FSTL5: variants seen among roughly 807,000 people sequenced by gnomAD.
The protein encoded by FSTL5 is follistatin like 5, also known as follistatin-related protein 5.
A neutral mutation model predicts 89.1 loss-of-function variants in FSTL5; 62 were observed. The observed-to-expected ratio is 0.70, with a 90% confidence interval of 0.57 to 0.86. The LOEUF (loss-of-function observed/expected upper bound fraction) is 0.86. Among genes scored for constraint, FSTL5 ranks in the 40% least tolerant of loss-of-function variants. FSTL5 has a pLI of 0.00. For missense variants in FSTL5, 1,057 were observed against 1,001.6 expected (o/e 1.06, Z -0.75); for synonymous variants, 383 against 346.2 (o/e 1.11, Z -1.18).
intron 3 of FSTL5, among the ~76,000 whole-genome samples, chr4:162,010,787 T>A (rs1346873031): frequency 1.3e-5 from 2 of 152,256 alleles, no homozygotes; most frequent in Non-Finnish European, 2.9e-5. Context: ...CATTTTTTAT[T>A]ACTGAATATT....
Position 162,141,218 on chromosome 4 carries a change from G to A in FSTL5, c.-17+22397C>T, listed in dbSNP as rs900025704. 1.6e-4 allele frequency among the ~76,000 whole-genome samples: 13 copies of A among 81,018 alleles called. 2 individuals are homozygous for A. Among genetic ancestry groups the A allele is most frequent in the Admixed American group, 3.0e-4 (2 of 6,624 alleles). The allele number at this position is 81,018 out of a possible 152,430, so 53.2% of individuals were successfully genotyped here. On this transcript the variant is annotated intron_variant, in intron 1 of 15. Transcript: ENST00000306100. ...TGCAAGCTCCGCCTCCCGGGTTCAC[G>A]CCATTCTCCTGCCTCAGCCTCCCGT...
chr4:161,541,004 T>C (rs1466990799), intron 9 of FSTL5, among the ~76,000 whole-genome samples: 1 of 152,134 alleles, frequency 6.6e-6, no homozygotes, highest in African/African-American at 2.4e-5. Context: ...ATATTTGTGC[T>C]TTCTTGGGAT....
intron 3 of FSTL5, among the ~76,000 whole-genome samples, chr4:161,935,539 A>G (rs1313462541): frequency 2.6e-5 from 4 of 152,194 alleles, no homozygotes; most frequent in Non-Finnish European, 4.4e-5. Context: ...CTACCTAGAC[A>G]AAGATCTCTT....
chr4:162,128,238 C>T (rs1448001139), intron 1 of FSTL5, among the ~76,000 whole-genome samples: 7 of 152,098 alleles, frequency 4.6e-5, no homozygotes. Flanking sequence ...AGCAATATGT[C>T]TAGATATAAA....
At chr4:161,826,957 T>G (rs1033098193) in intron 4 of FSTL5, among the ~76,000 whole-genome samples, 1 of 152,208 alleles carries the variant, frequency 6.6e-6, no homozygotes. Flanking sequence ...TTAAATTTAT[T>G]TACTGTGTTT....
intron 7 of FSTL5, among the ~76,000 whole-genome samples, chr4:161,645,413 A>G (rs1373595230): frequency 1.3e-5 from 2 of 151,488 alleles, no homozygotes; most frequent in Admixed American, 6.6e-5. Flanking sequence ...GTATTTTTAT[A>G]TATTGTTATC....
chr4:161,894,723 C>A (rs1389383227), intron 4 of FSTL5, among the ~76,000 whole-genome samples: 1 of 152,100 alleles, frequency 6.6e-6, no homozygotes, highest in Non-Finnish European at 1.5e-5. Context: ...CCTTGGCCTC[C>A]CAAAGTGCTG....
At chr4:161,557,736 T>G (rs553438496) in intron 8 of FSTL5, among the ~76,000 whole-genome samples, 5 of 151,826 alleles carry the variant, frequency 3.3e-5, no homozygotes, top group South Asian at 4.2e-4. Context: ...TGAAATTTTA[T>G]TAAACAACAA....
rs186217506 is a variant in FSTL5, at chr4:161,436,698, T to G, written c.1841+18306A>C. Among the ~76,000 whole-genome samples, 3 of 152,354 alleles carry G rather than the reference T, an allele frequency of 2.0e-5. No homozygotes were observed. In the East Asian group the frequency reaches 5.8e-4, roughly 29 times the overall value. On this transcript the variant is annotated intron_variant, in intron 15 of 15. Coordinates refer to ENST00000306100, the MANE Select transcript of FSTL5 (RefSeq NM_020116.5). ...ATTTGTAATATCTGTATCAAAACCC[T>G]TCATCTATGCCTATGTCCCATCTAT... is the stretch of plus-strand genomic sequence containing the variant.
intron 15 of FSTL5, among the ~76,000 whole-genome samples, chr4:161,435,290 G>T (rs1415007419): frequency 1.3e-5 from 2 of 152,106 alleles, no homozygotes; most frequent in East Asian, 3.8e-4. Flanking sequence ...GTAACTGGAG[G>T]TCATTACGTT....
chr4:161,972,067 G>T (rs1735500441), intron 3 of FSTL5, among the ~76,000 whole-genome samples: 1 of 152,016 alleles, frequency 6.6e-6, no homozygotes, highest in Admixed American at 6.6e-5. Flanking sequence ...CCACTTCTCT[G>T]ATTAATTTTG....
At position 161,486,593 on chromosome 4, in the gene FSTL5, C is replaced by A. The variant is rs768563386; in HGVS notation, c.1459-5424G>T. ...CTACCAATCAGGTTCCTAAGACAGG[C>A]AGAGAGTCCCTACCCACTTGTTGTA... On this transcript the variant is annotated intron_variant, in intron 12 of 15. Transcript: ENST00000306100. Among the ~76,000 whole-genome samples, 10 of 152,240 alleles carry A rather than the reference C, an allele frequency of 6.6e-5. No homozygotes were observed. The Middle Eastern group carries it at 0.01, about 155-fold the overall frequency.
intron 10 of FSTL5, among the ~76,000 whole-genome samples, chr4:161,536,397 T>C (rs1048015147): frequency 1.3e-5 from 2 of 152,162 alleles, no homozygotes; most frequent in African/African-American, 2.4e-5. Flanking sequence ...CAAAAGGCAG[T>C]AATTTTCACT....
chr4:161,666,523 C>G (rs1736897350), intron 6 of FSTL5, among the ~76,000 whole-genome samples: 1 of 152,022 alleles, frequency 6.6e-6, no homozygotes, highest in African/African-American at 2.4e-5. Context: ...TTTCCAAGGA[C>G]CAAGTTAGCC....
chr4:161,558,234 T>TA (rs1732461085), intron 8 of FSTL5, among the ~76,000 whole-genome samples: 3 of 151,824 alleles, frequency 2.0e-5, no homozygotes, highest in African/African-American at 7.2e-5. Flanking sequence ...TGTCAGCAGT[T>TA]AATGAGTTGG....
intron 1 of FSTL5, among the ~76,000 whole-genome samples, chr4:162,137,734 T>C (rs1379811484): frequency 1.3e-5 from 2 of 152,198 alleles, no homozygotes; most frequent in Non-Finnish European, 2.9e-5. Flanking sequence ...ACCAACATGT[T>C]CACAACTTAC....
intron 3 of FSTL5, among the ~76,000 whole-genome samples, chr4:161,937,852 C>G (rs1734474772): frequency 1.3e-5 from 2 of 152,084 alleles, no homozygotes; most frequent in Non-Finnish European, 2.9e-5. Context: ...GTGTCTGGTC[C>G]ACAATTTAGC....
At chr4:162,065,226 C>G (rs749112935) in intron 2 of FSTL5, among the ~76,000 whole-genome samples, 1 of 151,958 alleles carries the variant, frequency 6.6e-6, no homozygotes, top group Non-Finnish European at 1.5e-5. Flanking sequence ...TCTTAAAAAT[C>G]TTCTGCACAG....
intron 3 of FSTL5, among the ~76,000 whole-genome samples, chr4:161,935,929 T>C (rs1734420195): frequency 6.6e-6 from 1 of 152,160 alleles, no homozygotes; most frequent in Admixed American, 6.5e-5. Flanking sequence ...TGCCTGGAAA[T>C]CCCAGCACTT....
Sources: gnomAD v4.1 joint callset for allele counts (sites outside exome capture counted in the v4.1 genomes callset) on GRCh38, gnomAD v4.1.1 for gene constraint, MANE v1.5 for transcripts, NCBI Gene and HGNC (gene_info 2026-07-23, HGNC 2026-07-21) for gene names.